Variants in ARID5B observed in about 807,000 individuals in gnomAD.
ARID5B encodes the protein AT-rich interactive domain-containing protein 5B.
In ARID5B, 13 loss-of-function variants were observed where a neutral mutation model predicts 97.2. The observed-to-expected ratio is 0.13, with a 90% CI of 0.09 to 0.21. The LOEUF (loss-of-function observed/expected upper bound fraction) is 0.21, where lower values mean the gene tolerates loss of function less well. Among genes scored for constraint, ARID5B ranks in the 10% least tolerant of loss-of-function variants. The probability of loss-of-function intolerance (pLI) is 1.00; values close to 1 mark genes in which losing one functional copy is unlikely to be tolerated. For missense variants in ARID5B, 1,210 were observed against 1,465.3 expected, an observed-to-expected ratio of 0.83 and a Z score of 2.84; for synonymous variants, 556 against 570.3, an observed-to-expected ratio of 0.97 and a Z score of 0.36.
intron 7 of ARID5B, among the ~76,000 whole-genome samples, chr10:62,068,339 G>A (rs1840019382): frequency 6.6e-6 from 1 of 152,082 alleles, no homozygotes; most frequent in Non-Finnish European, 1.5e-5. Flanking sequence ...ATGCTTCATG[G>A]GAAATTGAAT....
intron 2 of ARID5B, among the ~76,000 whole-genome samples, chr10:61,939,069 C>T (rs1844355945): frequency 2.7e-5 from 4 of 149,768 alleles, no homozygotes; most frequent in Middle Eastern, 6.9e-3. Context: ...TGTTTAACAG[C>T]AAAATTAGCC....
intron 4 of ARID5B, among the ~76,000 whole-genome samples, chr10:62,002,453 C>T: frequency 6.6e-6 from 1 of 152,138 alleles, no homozygotes. Context: ...GAGTATTAGA[C>T]ATTTTTTAGT....
intron 8 of ARID5B, among the ~76,000 whole-genome samples, chr10:62,073,576 T>A (rs1469270231): frequency 2.0e-5 from 3 of 152,240 alleles, no homozygotes; most frequent in African/African-American, 4.8e-5. Context: ...AAGCACTTCA[T>A]AAAAATGTCT....
At chr10:62,068,657 C>A (rs368404883) in intron 7 of ARID5B, among the ~76,000 whole-genome samples, 12 of 151,990 alleles carry the variant, frequency 7.9e-5, no homozygotes, top group African/African-American at 2.9e-4. Context: ...ACCTTTGCCA[C>A]GCCCTGTCCC....
chr10:61,973,681 G>A (rs1057510224), intron 3 of ARID5B, among the ~76,000 whole-genome samples: 3 of 152,154 alleles, frequency 2.0e-5, no homozygotes, highest in Admixed American at 6.5e-5. Context: ...TATCTAAAGA[G>A]TATGGTTTAC....
rs1231090488 is a variant in ARID5B, at chr10:62,092,701, G to A, written c.3238G>A (p.Gly1080Ser). 1 of 1,614,094 alleles carries A rather than the reference G, an allele frequency of 6.2e-7. No individual in the cohort carries two copies. Among genetic ancestry groups the A allele is most frequent in the Admixed American group, 1.7e-5 (1 of 60,018 alleles). The change falls in exon 10 of 10, where the codon GGT becomes AGT. Residue 1080 changes from glycine to serine, a missense_variant. Transcript: ENST00000279873. ...KLPLSSPIFP[G>S]LYSGSLCNSG... ...TCCCCTCTCCTCCCCTATCTTCCCA[G>A]GTCTGTATTCCGGGAGCCTGTGTAA...
At chr10:61,939,457 T>TGAAAAA (rs1844361141) in intron 2 of ARID5B, among the ~76,000 whole-genome samples, 1 of 152,182 alleles carries the variant, frequency 6.6e-6, no homozygotes, top group African/African-American at 2.4e-5. Flanking sequence ...AGGAGAAACT[T>TGAAAAA]GCATTTCAAC....
At chr10:61,999,225 T>C (rs1255358294) in intron 3 of ARID5B, among the ~76,000 whole-genome samples, 1 of 152,174 alleles carries the variant, frequency 6.6e-6, no homozygotes, top group Non-Finnish European at 1.5e-5. Flanking sequence ...TTTAGACCCA[T>C]GGACATCTTT....
At position 62,091,218 on chromosome 10, in the gene ARID5B, C is replaced by A. The variant is rs577699742; in HGVS notation, c.1755C>A (p.Ser585Arg). The A allele has an allele frequency of 7.4e-6, 12 of 1,614,138 alleles. No individual in the cohort carries two copies. In the South Asian group the frequency reaches 9.9e-5, roughly 13 times the overall value. The change falls in exon 10 of 10, where the codon AGC (serine) becomes AGA (arginine). Residue 585 changes from serine to arginine, a missense_variant. Physicochemically the swap from Ser to Arg is moderately radical, Grantham distance 110. Around this residue, in one of 8 missense-constraint regions of ARID5B, gnomAD observed 800 missense variants for 839.1 expected, o/e 0.95. Coordinates refer to ENST00000279873, the MANE Select transcript of ARID5B (RefSeq NM_032199.3). ...QESKLCCFTE[S>R]PESEPQEASF... ...CCAAACTGTGCTGTTTTACAGAGAG[C>A]CCTGAAAGTGAACCCCAAGAAGCAT...
At position 61,957,108 on chromosome 10, in the gene ARID5B, G is replaced by C. The variant is rs142509218; in HGVS notation, c.502+16700G>C. 5.9e-3 allele frequency among the ~76,000 whole-genome samples: 906 copies of C among 152,272 alleles called. 8 individuals are homozygous for C. Among genetic ancestry groups the C allele is most frequent in the South Asian group, 0.023 (111 of 4,830 alleles). Reference sequence around the variant, plus strand: ...CAGTAGTGCAGAGCTCTGCTGTCCAGTATGATAGCTACTAGCCACAAATAG... The same window carrying C: ...CAGTAGTGCAGAGCTCTGCTGTCCACTATGATAGCTACTAGCCACAAATAG... On this transcript the variant is annotated intron_variant, in intron 3 of 9. Coordinates refer to ENST00000279873, the MANE Select transcript of ARID5B (RefSeq NM_032199.3).
intron 4 of ARID5B, among the ~76,000 whole-genome samples, chr10:62,008,780 G>A (rs1022470062): frequency 6.6e-6 from 1 of 152,198 alleles, no homozygotes; most frequent in African/African-American, 2.4e-5. Flanking sequence ...CTATTTAGAA[G>A]TTGAAGGGGG....
chr10:62,092,603 C>T lies in ARID5B; in HGVS notation c.3140C>T (p.Ser1047Phe). The T allele has an allele frequency of 6.2e-7, 1 of 1,614,190 alleles. No individual in the cohort carries two copies. Among genetic ancestry groups the T allele is most frequent in the Non-Finnish European group, 8.5e-7 (1 of 1,180,026 alleles). The change falls in exon 10 of 10, where the codon TCT (serine) becomes TTT (phenylalanine). Residue 1047 changes from serine to phenylalanine, a missense_variant. This residue lies in a region of ARID5B where 800 missense variants were observed against 839.1 expected (regional missense o/e 0.95). Transcript: ENST00000279873. ...SKEVSGKEKASEQESEGSKAA... is the reference protein window; with the variant it reads ...SKEVSGKEKAFEQESEGSKAA... ...GAGGTCTCTGGGAAGGAGAAGGCCT[C>T]TGAGCAGGAGAGTGAAGGCAGCAAA...
chr10:61,993,120 TACACACACAC>T lies in ARID5B; in HGVS notation c.503-6950_503-6941del, dbSNP rs35119824. Reference sequence around the variant, plus strand: ...TAACAGCTTTGATGAGGAAGGGAGATACACACACACACACACACACACACACACACGCACA... The same window carrying T: ...TAACAGCTTTGATGAGGAAGGGAGATACACACACACACACACACACGCACA... On this transcript the variant is annotated intron_variant, in intron 3 of 9. Coordinates refer to ENST00000279873, the MANE Select transcript of ARID5B (RefSeq NM_032199.3). 9.6e-3 allele frequency among the ~76,000 whole-genome samples: 1,416 copies of T among 148,140 alleles called. 21 individuals are homozygous for T. The highest frequency in any genetic ancestry group is 0.033 in the African/African-American group (1,339 of 40,272).
chr10:62,032,639 C>T (rs1249417204), intron 4 of ARID5B, among the ~76,000 whole-genome samples: 3 of 152,142 alleles, frequency 2.0e-5, no homozygotes, highest in East Asian at 3.9e-4. Flanking sequence ...CGCTTGAACC[C>T]AGGAGGTGGA....
intron 3 of ARID5B, among the ~76,000 whole-genome samples, chr10:61,955,021 C>CAAAAAAAA: frequency 6.7e-6 from 1 of 148,474 alleles, no homozygotes; most frequent in Non-Finnish European, 1.5e-5. Context: ...AAAAAAAAAG[C>CAAAAAAAA]AATCTATGAT....
chr10:61,939,055 G>C (rs1198694658), intron 2 of ARID5B, among the ~76,000 whole-genome samples: 1 of 150,860 alleles, frequency 6.6e-6, no homozygotes, highest in Non-Finnish European at 1.5e-5. Context: ...GGAGGAAAAA[G>C]TCATGTTTAA....
intron 4 of ARID5B, among the ~76,000 whole-genome samples, chr10:62,029,120 A>G (rs1488821970): frequency 9.9e-5 from 15 of 152,204 alleles, no homozygotes; most frequent in Admixed American, 9.8e-4. Flanking sequence ...CAGTGAGTGC[A>G]CAGAGAGGCC....
chr10:61,945,208 C>T (rs370834447), intron 3 of ARID5B, among the ~76,000 whole-genome samples: 1 of 152,196 alleles, frequency 6.6e-6, no homozygotes, highest in African/African-American at 2.4e-5. Flanking sequence ...GAAGACATGC[C>T]TCTTATTGGA....
chr10:61,986,820 G>A (rs1838853633), intron 3 of ARID5B, among the ~76,000 whole-genome samples: 1 of 152,120 alleles, frequency 6.6e-6, no homozygotes, highest in African/African-American at 2.4e-5. Context: ...AGTACCTACG[G>A]GGCGTTCACT....
Sources: allele counts gnomAD v4.1 joint callset (sites outside exome capture counted in the v4.1 genomes callset), GRCh38; gene constraint gnomAD v4.1.1; regional missense constraint gnomAD v4.1.1; transcripts MANE v1.5; gene names NCBI Gene and HGNC (gene_info 2026-07-23, HGNC 2026-07-21).